Variants in ZNF180 observed in about 807,000 individuals in gnomAD.
ZNF180 encodes zinc finger protein 180 (HHZ168).
ZNF180 carries 11 observed loss-of-function variants against 11.8 expected under a neutral mutation model. The observed-to-expected ratio is 0.93, with a 90% CI of 0.59 to 1.55. The LOEUF (loss-of-function observed/expected upper bound fraction) is 1.55, where lower values mean the gene tolerates loss of function less well. ZNF180 is among the 40% of genes most tolerant of loss of function. ZNF180 has a pLI of 0.00. For missense variants in ZNF180, 773 were observed against 781.7 expected (o/e 0.99, Z 0.13); for synonymous variants, 287 against 257.7 (o/e 1.11, Z -1.09).
At position 44,476,223 on chromosome 19, in the gene ZNF180, T is replaced by C; in HGVS notation, c.*179A>G. 1 of 568,740 alleles carries C rather than the reference T, an allele frequency of 1.8e-6. No homozygotes were observed. 35.2% of individuals were successfully genotyped at this position (568,740 alleles called of 1,614,324 possible). On this transcript the variant is annotated 3_prime_UTR_variant, in exon 5 of 5. Coordinates refer to ENST00000592529, the MANE Select transcript of ZNF180 (RefSeq NM_001278509.3). ...ATGGAATTGCCAGGTTGAAAAGTCGTTCATAGACTTTCCCCCTTTCTTTTC... is the reference window on the plus strand; with the variant it reads ...ATGGAATTGCCAGGTTGAAAAGTCGCTCATAGACTTTCCCCCTTTCTTTTC...
chr19:44,477,058 T>A lies in ZNF180; in HGVS notation c.1342A>T (p.Ile448Phe), dbSNP rs764482357. The A allele has an allele frequency of 5.0e-6, 8 of 1,614,060 alleles. No individual in the cohort carries two copies. In the African/African-American group the frequency reaches 6.7e-5, roughly 13 times the overall value. ...TGTGCAATAAGTTTATAGCTCTGGA[T>A]AAATGATTTCCCACATTGATTACAT... is the stretch of plus-strand genomic sequence containing the variant. ...YECNQCGKSFIQSYKLIAHQR... is the reference protein window; with the variant it reads ...YECNQCGKSFFQSYKLIAHQR... Residue 448 changes from isoleucine (I) to phenylalanine (F), a missense_variant, in exon 5 of 5, where the codon ATC becomes TTC. By Grantham distance (21) the Ile-to-Phe change is conservative (BLOSUM62 0). Coordinates refer to ENST00000592529, the MANE Select transcript of ZNF180 (RefSeq NM_001278509.3).
chr19:44,493,806 G>A (rs1357777601), intron 2 of ZNF180, among the ~76,000 whole-genome samples: 1 of 152,138 alleles, frequency 6.6e-6, no homozygotes, highest in Non-Finnish European at 1.5e-5. Context: ...CTGCTATGCT[G>A]TGAACGCCCT....
At chr19:44,494,463 G>C (rs997024422) in intron 2 of ZNF180, among the ~76,000 whole-genome samples, 2 of 152,092 alleles carry the variant, frequency 1.3e-5, no homozygotes, top group Non-Finnish European at 2.9e-5. Context: ...CCAGGAGTTC[G>C]AGACCAGCCT....
chr19:44,498,645 C>G (rs538284589), intron 1 of ZNF180, among the ~76,000 whole-genome samples: 1 of 152,302 alleles, frequency 6.6e-6, no homozygotes, highest in East Asian at 1.9e-4. Context: ...TGTTTCCCAA[C>G]CAAACACCGG....
Position 44,477,276 on chromosome 19 carries a change from G to C in ZNF180, c.1124C>G (p.Thr375Ser). The C allele has an allele frequency of 6.2e-7, 1 of 1,613,474 alleles. No individual in the cohort carries two copies. Among genetic ancestry groups the C allele is most frequent in the Non-Finnish European group, 8.5e-7 (1 of 1,179,612 alleles). ...RSSHLVSHQR[T>S]HTGEKPYRCN... ...CCTGTAAGGTTTCTCTCCAGTATGA[G>C]TTCTCTGATGGGAAACAAGGTGCGA... Residue 375 changes from threonine to serine, a missense_variant, in exon 5 of 5, where the codon ACT (threonine) becomes AGT (serine). Physicochemically the swap from Thr to Ser is moderately conservative, Grantham distance 58. Coordinates refer to ENST00000592529, the MANE Select transcript of ZNF180 (RefSeq NM_001278509.3).
At position 44,475,351 on chromosome 19, in the gene ZNF180, TAG is replaced by T. The variant is rs959355415; in HGVS notation, c.*1049_*1050del. Reference sequence around the variant, plus strand: ...GAGGGGAAGAACTAAAACATGAAAATAGAGTTCCTTAATATTGCTTTGCATAT... The same window carrying T: ...GAGGGGAAGAACTAAAACATGAAAATAGTTCCTTAATATTGCTTTGCATAT... On this transcript the variant is annotated 3_prime_UTR_variant, in exon 5 of 5. Transcript: ENST00000592529. The T allele has an allele frequency of 3.3e-5, 5 of 151,098 alleles. No homozygotes were observed. Among genetic ancestry groups the T allele is most frequent in the African/African-American group, 1.2e-4 (5 of 40,488 alleles). The allele number at this position is 151,098 out of a possible 1,614,324, so 9.4% of individuals were successfully genotyped here. A position where few individuals can be genotyped will look rare whatever the true frequency, so the allele number is the denominator to read the frequency against.
At chr19:44,488,518 G>A (rs541244369) in intron 2 of ZNF180, among the ~76,000 whole-genome samples, 4 of 152,302 alleles carry the variant, frequency 2.6e-5, no homozygotes, top group South Asian at 2.1e-4. Context: ...CGCCAGCCTC[G>A]GCCTCCCAAG....
At chr19:44,482,210 G>C (rs1371701731) in intron 3 of ZNF180, among the ~76,000 whole-genome samples, 1 of 152,240 alleles carries the variant, frequency 6.6e-6, no homozygotes, top group East Asian at 1.9e-4. Context: ...AGGAGGCTGA[G>C]GTTTGGAGAA....
At chr19:44,492,813 GA>G (rs1970483699) in intron 2 of ZNF180, among the ~76,000 whole-genome samples, 1 of 152,124 alleles carries the variant, frequency 6.6e-6, no homozygotes, top group Non-Finnish European at 1.5e-5. Context: ...CTATATCTGT[GA>G]GAACATTTAG....
intron 1 of ZNF180, among the ~76,000 whole-genome samples, chr19:44,499,895 A>G (rs1245450605): frequency 6.6e-6 from 1 of 152,174 alleles, no homozygotes; most frequent in Non-Finnish European, 1.5e-5. Context: ...CCTCCTCTCC[A>G]GAAACCACAA....
chr19:44,498,230 C>T (rs1192658404), intron 1 of ZNF180, among the ~76,000 whole-genome samples: 3 of 152,264 alleles, frequency 2.0e-5, no homozygotes, highest in Admixed American at 6.5e-5. Flanking sequence ...AGCAGCCCTA[C>T]CCAGGCTCTA....
At chr19:44,481,422 G>A (rs1301257054) in intron 3 of ZNF180, among the ~76,000 whole-genome samples, 1 of 152,068 alleles carries the variant, frequency 6.6e-6, no homozygotes, top group Admixed American at 6.6e-5. Context: ...TAATCTTTAA[G>A]GTATTGTCTT....
chr19:44,484,653 G>A (rs559578859), intron 2 of ZNF180: 19 of 571,928 alleles, frequency 3.3e-5, no homozygotes, highest in Non-Finnish European at 6.0e-5. Context: ...CAGATACCTG[G>A]ACATGAGGTC....
Position 44,477,818 on chromosome 19 carries a change from T to C in ZNF180, c.582A>G (p.Val194=), listed in dbSNP as rs201558783. The change falls in exon 5 of 5, where the codon GTA becomes GTG. Residue 194 remains valine, a synonymous_variant. Coordinates refer to ENST00000592529, the MANE Select transcript of ZNF180 (RefSeq NM_001278509.3). Reference sequence around the variant, plus strand: ...TAAGATGCCATTTTTTAGCATGTGATACATGTTTATGAAAATGGTTTCTTA... The same window carrying C: ...TAAGATGCCATTTTTTAGCATGTGACACATGTTTATGAAAATGGTTTCTTA... ...IPIRNHFHKH[V]SHAKKWHLNA... 1.9e-5 allele frequency: 31 copies of C among 1,614,012 alleles called. No homozygotes were observed. Among genetic ancestry groups the C allele is most frequent in the South Asian group, 1.5e-4 (14 of 91,086 alleles).
At chr19:44,486,767 A>G (rs544049148) in intron 2 of ZNF180, among the ~76,000 whole-genome samples, 1 of 152,060 alleles carries the variant, frequency 6.6e-6, no homozygotes, top group Non-Finnish European at 1.5e-5. Context: ...TAGGCCGGGC[A>G]TGGTGGCTCA....
At chr19:44,478,203 G>A in intron 4 of ZNF180, 57 bp from the exon 5 acceptor site, 1 of 1,447,638 alleles carries the variant, frequency 6.9e-7, no homozygotes, top group South Asian at 1.5e-5. Flanking sequence ...TGGAAAAATG[G>A]AATAAAGCTA....
chr19:44,499,317 C>T (rs1958078660), intron 1 of ZNF180, among the ~76,000 whole-genome samples: 1 of 152,170 alleles, frequency 6.6e-6, no homozygotes, highest in African/African-American at 2.4e-5. Context: ...AGGCTCTGTC[C>T]CTCTACTAAC....
intron 2 of ZNF180, among the ~76,000 whole-genome samples, chr19:44,488,129 T>C (rs1474606953): frequency 4.6e-5 from 3 of 65,738 alleles, no homozygotes; most frequent in Non-Finnish European, 9.7e-5. Flanking sequence ...TCCCTCTCCT[T>C]CTCTTTCCAC....
rs1463005190 is a variant in ZNF180, at chr19:44,475,627, C to A, written c.*775G>T. On this transcript the variant is annotated 3_prime_UTR_variant, in exon 5 of 5. Coordinates refer to ENST00000592529, the MANE Select transcript of ZNF180 (RefSeq NM_001278509.3). ...TTCCTAAATAGTCAAAGAAGGAAAT[C>A]TTTGTATTTCATTTTTGGCTTTGAA... 4 of 152,152 alleles carry A rather than the reference C, an allele frequency of 2.6e-5. No homozygotes were observed. The highest frequency in any genetic ancestry group is 5.9e-5 in the Non-Finnish European group (4 of 68,030). 9.4% of individuals were successfully genotyped at this position (152,152 alleles called of 1,614,324 possible). A position where few individuals can be genotyped will look rare whatever the true frequency, so the allele number is the denominator to read the frequency against.
Sources: gnomAD v4.1 joint callset for allele counts (sites outside exome capture counted in the v4.1 genomes callset) on GRCh38, gnomAD v4.1.1 for gene constraint, MANE v1.5 for transcripts, NCBI Gene and HGNC (gene_info 2026-07-23, HGNC 2026-07-21) for gene names.